VPS13B: variants seen among roughly 807,000 people sequenced by gnomAD.
The protein encoded by VPS13B is vacuolar protein sorting 13 homolog B, also known as intermembrane lipid transfer protein VPS13B.
Under a neutral mutation model 426.4 loss-of-function variants are expected in VPS13B, and 285 were observed. The observed-to-expected ratio is 0.67, with a 90% confidence interval of 0.61 to 0.74. The LOEUF (loss-of-function observed/expected upper bound fraction) is 0.74, where lower values mean the gene tolerates loss of function less well. VPS13B is among the 30% of genes least tolerant of loss of function. VPS13B has a pLI of 0.00. For synonymous variants in VPS13B, 1,676 were observed against 1,676.4 expected (o/e 1.00, Z 0.01); for missense variants, 4,537 against 4,782.6 (o/e 0.95, Z 1.51).
At chr8:99,108,152 C>T (rs1847147559) in intron 5 of VPS13B, among the ~76,000 whole-genome samples, 2 of 152,150 alleles carry the variant, frequency 1.3e-5, no homozygotes, top group African/African-American at 4.8e-5. Flanking sequence ...CCAGCTCTAT[C>T]CATATTGCTG....
At chr8:99,825,949 G>A (rs1814661481) in intron 51 of VPS13B, among the ~76,000 whole-genome samples, 2 of 152,026 alleles carry the variant, frequency 1.3e-5, no homozygotes, top group Admixed American at 6.6e-5. Flanking sequence ...TGGTACCAGT[G>A]TCATGCTGTT....
In VPS13B at chr8:99,642,088, A is replaced by G. The variant is rs776334193; in HGVS notation, c.5498A>G (p.Lys1833Arg). ...ACCTATTCCTGTATGGCCTTATCCA[A>G]ATCGAAATCACAAGAACAGAAGAAT... The part of the protein sequence containing the change: ...LMTYSCMALS[K>R]SKSQEQKNNE... The change falls in exon 34 of 62, where the codon AAA becomes AGA. Residue 1833 changes from lysine to arginine, a missense_variant. Coordinates refer to ENST00000357162, the MANE Select transcript of VPS13B (RefSeq NM_152564.5). The G allele has an allele frequency of 6.2e-7, 1 of 1,614,152 alleles. No individual in the cohort carries two copies. Among genetic ancestry groups the G allele is most frequent in the African/African-American group, 1.3e-5 (1 of 75,066 alleles).
At chr8:99,795,230 T>C (rs924552833) in intron 43 of VPS13B, among the ~76,000 whole-genome samples, 5 of 152,206 alleles carry the variant, frequency 3.3e-5, no homozygotes, top group African/African-American at 9.6e-5. Flanking sequence ...AGGCAAATTT[T>C]CTACTTTCCA....
chr8:99,734,047 G>A (rs559411958), intron 39 of VPS13B, among the ~76,000 whole-genome samples: 1 of 152,246 alleles, frequency 6.6e-6, no homozygotes, highest in East Asian at 1.9e-4. Context: ...CCAGCCCTAA[G>A]TAATCACGAA....
intron 3 of VPS13B, among the ~76,000 whole-genome samples, chr8:99,090,266 AC>A (rs1180335548): frequency 6.9e-6 from 1 of 145,726 alleles, no homozygotes; most frequent in Non-Finnish European, 1.5e-5. Flanking sequence ...ATAATCATAA[AC>A]TTTTTTTTTT....
intron 25 of VPS13B, among the ~76,000 whole-genome samples, chr8:99,500,330 AG>A (rs1563763407): frequency 6.6e-6 from 1 of 152,180 alleles, no homozygotes; most frequent in Non-Finnish European, 1.5e-5. Flanking sequence ...GAAGTTAGAA[AG>A]ATGAGAAAAT....
intron 39 of VPS13B, among the ~76,000 whole-genome samples, chr8:99,730,150 C>T (rs1588662238): frequency 6.6e-6 from 1 of 152,236 alleles, no homozygotes; most frequent in Admixed American, 6.5e-5. Context: ...TAAGCACCTC[C>T]TGCCCACTGG....
intron 30 of VPS13B, among the ~76,000 whole-genome samples, chr8:99,540,058 TA>T (rs1823522698): frequency 7.0e-4 from 4 of 5,702 alleles, no homozygotes; most frequent in Admixed American, 3.8e-3. Context: ...TATATATATA[TA>T]TATATTTTTT....
At chr8:99,684,314 A>T (rs145305382) in intron 35 of VPS13B, among the ~76,000 whole-genome samples, 1 of 152,318 alleles carries the variant, frequency 6.6e-6, no homozygotes, top group Admixed American at 6.5e-5. Flanking sequence ...GGTCTCATAA[A>T]ATGAATTAAG....
At chr8:99,512,557 G>A (rs2133640895) in intron 29 of VPS13B, among the ~76,000 whole-genome samples, 1 of 152,306 alleles carries the variant, frequency 6.6e-6, no homozygotes, top group East Asian at 1.9e-4. Context: ...AACCTTGGAA[G>A]AGACACAGAC....
chr8:99,290,896 A>G lies in VPS13B; in HGVS notation c.2824+15642A>G, dbSNP rs188616414. ...TTTGAATGGGATGGGATCAATGGTA[A>G]TAGTTTGTGCCTGATAAGATAAGAA... On this transcript the variant is annotated intron_variant, in intron 19 of 61. Coordinates refer to ENST00000357162, the MANE Select transcript of VPS13B (RefSeq NM_152564.5). 7.9e-5 allele frequency among the ~76,000 whole-genome samples: 12 copies of G among 152,206 alleles called. No homozygotes were observed. The East Asian group carries it at 2.3e-3, about 29-fold the overall frequency.
At chr8:99,380,876 CTTT>C (rs796801783) in intron 19 of VPS13B, among the ~76,000 whole-genome samples, 10 of 132,266 alleles carry the variant, frequency 7.6e-5, no homozygotes, top group African/African-American at 2.5e-4. Context: ...CTTTTTCTTT[CTTT>C]TTTTTTTTTT....
intron 3 of VPS13B, among the ~76,000 whole-genome samples, chr8:99,053,997 C>T (rs1241089653): frequency 6.6e-6 from 1 of 152,210 alleles, no homozygotes; most frequent in South Asian, 2.1e-4. Context: ...AGCCACCACG[C>T]CCAGCCCAGG....
intron 39 of VPS13B, among the ~76,000 whole-genome samples, chr8:99,745,503 G>C (rs760619141): frequency 2.6e-5 from 4 of 152,050 alleles, no homozygotes; most frequent in Non-Finnish European, 4.4e-5. Context: ...TTATTACAGT[G>C]TATATTAATC....
chr8:99,864,960 G>A (rs1170768645), intron 58 of VPS13B, among the ~76,000 whole-genome samples: 1 of 152,156 alleles, frequency 6.6e-6, no homozygotes, highest in African/African-American at 2.4e-5. Flanking sequence ...CGGGTTCGGC[G>A]GGCCTTCTTG....
chr8:99,688,341 C>T (rs887804588), intron 35 of VPS13B, among the ~76,000 whole-genome samples: 2 of 151,682 alleles, frequency 1.3e-5, no homozygotes, highest in South Asian at 2.1e-4. Flanking sequence ...AATAACTGAA[C>T]GATATCAAAA....
At chr8:99,695,718 T>A (rs1424802412) in intron 35 of VPS13B, among the ~76,000 whole-genome samples, 15 of 125,354 alleles carry the variant, frequency 1.2e-4, no homozygotes, top group South Asian at 2.6e-4. Flanking sequence ...AAAAACTCCA[T>A]ACCAAGAAAA....
chr8:99,422,055 A>G (rs1198567165), intron 21 of VPS13B, among the ~76,000 whole-genome samples: 2 of 152,172 alleles, frequency 1.3e-5, no homozygotes, highest in African/African-American at 2.4e-5. Context: ...GGTTTTGATT[A>G]AATAAGATAG....
intron 4 of VPS13B, among the ~76,000 whole-genome samples, chr8:99,101,552 G>A (rs1270296561): frequency 1.3e-5 from 2 of 152,136 alleles, no homozygotes; most frequent in African/African-American, 2.4e-5. Flanking sequence ...AATTATTTTA[G>A]CATCTACTCA....
Sources: gnomAD v4.1 joint callset for allele counts (sites outside exome capture counted in the v4.1 genomes callset) on GRCh38, gnomAD v4.1.1 for gene constraint, MANE v1.5 for transcripts, NCBI Gene and HGNC (gene_info 2026-07-23, HGNC 2026-07-21) for gene names.